The following LBR variants were observed in gnomAD, a reference collection of about 807,000 sequenced individuals.
LBR encodes delta(14)-sterol reductase LBR.
LBR carries 28 observed loss-of-function variants against 74.3 expected under a neutral mutation model. That is an observed-to-expected ratio of 0.38 (90% confidence interval 0.28 to 0.52). The LOEUF is 0.52. LBR is among the 20% of genes least tolerant of loss of function. LBR has a pLI of 0.89. For synonymous variants in LBR, 228 were observed against 269.3 expected (o/e 0.85, Z 1.50); for missense variants, 717 against 760.3 (o/e 0.94, Z 0.67).
rs1045485505 is a variant in LBR at position 225,411,550 on chromosome 1, CCT to C, written c.1085-112_1085-111del. 1.0e-4 allele frequency: 84 copies of C among 808,258 alleles called. No homozygotes were observed. The Middle Eastern group carries it at 0.011, about 109-fold the overall frequency. The allele number at this position is 808,258 out of a possible 1,614,324, so 50.1% of individuals were successfully genotyped here. On this transcript the variant is annotated intron_variant, in intron 8 of 13. Transcript: ENST00000272163. Reference sequence around the variant, plus strand: ...CTCACAATTCCACTGCCTGCAAGACCCTGAGCAGGGCTCTGGTGGTGAGAGGC... The same window carrying C: ...CTCACAATTCCACTGCCTGCAAGACCGAGCAGGGCTCTGGTGGTGAGAGGC...
At chr1:225,418,381 AT>A (rs1240804007) in intron 5 of LBR, among the ~76,000 whole-genome samples, 2 of 151,964 alleles carry the variant, frequency 1.3e-5, no homozygotes, top group Non-Finnish European at 2.9e-5. Context: ...AGTAAAAAAA[AT>A]AAATAAATAA....
intron 11 of LBR, among the ~76,000 whole-genome samples, chr1:225,405,856 G>T (rs993043620): frequency 6.6e-6 from 1 of 152,188 alleles, no homozygotes; most frequent in African/African-American, 2.4e-5. Context: ...TTAACCAATG[G>T]TTTGAACTTC....
At position 225,415,334 on chromosome 1, in the gene LBR, T is replaced by C; in HGVS notation, c.838-2A>G. 1 of 1,572,044 alleles carries C rather than the reference T, an allele frequency of 6.4e-7. No homozygotes were observed. Among genetic ancestry groups the C allele is most frequent in the Non-Finnish European group, 8.7e-7 (1 of 1,145,874 alleles). On this transcript the variant is annotated splice_acceptor_variant, in intron 6 of 13. Coordinates refer to ENST00000272163, the MANE Select transcript of LBR (RefSeq NM_002296.4). LOFTEE classifies it high-confidence loss of function. The stretch of plus-strand genomic sequence containing the variant: ...AATAAGAGGCGTTCCTTCTACAACC[T>C]TAAAAGAAAAAAAATTTACAAATTT...
chr1:225,422,990 C>A (rs569773150), intron 2 of LBR, among the ~76,000 whole-genome samples: 15 of 152,176 alleles, frequency 9.9e-5, no homozygotes, highest in Admixed American at 3.3e-4. Flanking sequence ...TGCCTGGAGC[C>A]GCTCCCATAA....
At chr1:225,416,380 C>G (rs1317943798) in intron 6 of LBR, among the ~76,000 whole-genome samples, 1 of 152,164 alleles carries the variant, frequency 6.6e-6, no homozygotes, top group Non-Finnish European at 1.5e-5. Context: ...ACGTTTTACC[C>G]CACAAAATAA....
intron 10 of LBR, 127 bp downstream of exon 10, chr1:225,410,164 C>T: frequency 6.9e-7 from 1 of 1,442,386 alleles, no homozygotes; most frequent in Non-Finnish European, 9.6e-7. Context: ...CCTCGTCCTC[C>T]TCTCAAGCAG....
In LBR at chr1:225,411,458, T is replaced by A; in HGVS notation, c.1085-18A>T. ...AGCATTTCCTGAGAAAGGAAAAGTG[T>A]TTACCCAAACAGCATTCCAAACCCA... On this transcript the variant is annotated intron_variant, in intron 8 of 13. Coordinates refer to ENST00000272163, the MANE Select transcript of LBR (RefSeq NM_002296.4). 1.9e-6 allele frequency: 3 copies of A among 1,585,506 alleles called. No individual in the cohort carries two copies. The highest frequency in any genetic ancestry group is 2.6e-6 in the Non-Finnish European group (3 of 1,153,952).
rs372673408 is a variant in LBR, at chr1:225,406,842, T to A, written c.1315-10A>T. ...TCGTCAACAACGCTTCCTATAAGGA[T>A]ACAGACGGGGAAAGGGAGAAGGAGC... On this transcript the variant is annotated splice_polypyrimidine_tract_variant and intron_variant, in intron 10 of 13. Transcript: ENST00000272163. 1.2e-6 allele frequency: 2 copies of A among 1,613,494 alleles called. No individual in the cohort carries two copies. Among genetic ancestry groups the A allele is most frequent in the Admixed American group, 3.3e-5 (2 of 59,984 alleles).
chr1:225,415,382 A>G, intron 6 of LBR, 50 bp from the exon 7 acceptor site: 1 of 912,658 alleles, frequency 1.1e-6, no homozygotes, highest in Non-Finnish European at 1.8e-6. Flanking sequence ...ACCATCATAT[A>G]TACATATATA....
intron 1 of LBR, among the ~76,000 whole-genome samples, chr1:225,425,589 C>A (rs2150961388): frequency 6.6e-6 from 1 of 152,234 alleles, no homozygotes; most frequent in Middle Eastern, 3.4e-3. Context: ...TGAGCAGGGG[C>A]ATAAAAACGG....
intron 2 of LBR, 139 bp from the exon 3 acceptor site, chr1:225,422,416 A>G (rs1014155175): frequency 2.2e-5 from 16 of 732,544 alleles, no homozygotes; most frequent in Non-Finnish European, 2.4e-5. Flanking sequence ...AGGATCTGAG[A>G]ATGGATCAGA....
chr1:225,411,432 C>G lies in LBR; in HGVS notation c.1093G>C (p.Val365Leu). The G allele has an allele frequency of 6.2e-7, 1 of 1,612,292 alleles. No homozygotes were observed. The highest frequency in any genetic ancestry group is 8.5e-7 in the Non-Finnish European group (1 of 1,178,294). The change falls in exon 9 of 14, where the codon GTC becomes CTC. Residue 365 changes from valine (V) to leucine (L), a missense_variant. Coordinates refer to ENST00000272163, the MANE Select transcript of LBR (RefSeq NM_002296.4). ...TCACGGCCAATGAAGAAATCATAGA[C>G]AGCATTTCCTGAGAAAGGAAAAGTG... ...DLSPASSGNAVYDFFIGRELN... is the reference protein window; with the variant it reads ...DLSPASSGNALYDFFIGRELN...
intron 9 of LBR, 146 bp downstream of exon 9, chr1:225,411,191 G>T (rs2096104520): frequency 5.7e-6 from 4 of 704,732 alleles, no homozygotes; most frequent in South Asian, 4.7e-5. Flanking sequence ...ATACTTACAA[G>T]AAAGTATTTT....
At chr1:225,423,049 G>T (rs6686405) in intron 2 of LBR, among the ~76,000 whole-genome samples, 2 of 151,962 alleles carry the variant, frequency 1.3e-5, no homozygotes, top group Non-Finnish European at 2.9e-5. Context: ...TAGAGCACTC[G>T]AAGTGTCATC....
chr1:225,408,630 G>A (rs1282632355), intron 10 of LBR, among the ~76,000 whole-genome samples: 3 of 152,348 alleles, frequency 2.0e-5, no homozygotes, highest in Non-Finnish European at 2.9e-5. Flanking sequence ...TCTGCTAATT[G>A]CCCAGTGGCA....
In LBR at chr1:225,406,848, C is replaced by T. The variant is rs376034261; in HGVS notation, c.1315-16G>A. The T allele has an allele frequency of 5.8e-5, 93 of 1,612,788 alleles. No homozygotes were observed. The highest frequency in any genetic ancestry group is 2.7e-4 in the East Asian group (12 of 44,886). ...ACAACGCTTCCTATAAGGATACAGA[C>T]GGGGAAAGGGAGAAGGAGCTTCTGT... On this transcript the variant is annotated splice_polypyrimidine_tract_variant and intron_variant, in intron 10 of 13. Coordinates refer to ENST00000272163, the MANE Select transcript of LBR (RefSeq NM_002296.4).
chr1:225,406,907 G>A lies in LBR; in HGVS notation c.1315-75C>T, dbSNP rs750918512. 1.6e-4 allele frequency: 231 copies of A among 1,446,728 alleles called. 1 individual carries two copies. Among genetic ancestry groups the A allele is most frequent in the Non-Finnish European group, 2.2e-4 (223 of 1,034,778 alleles). 89.6% of individuals were successfully genotyped at this position (1,446,728 alleles called of 1,614,324 possible). On this transcript the variant is annotated intron_variant, in intron 10 of 13. Transcript: ENST00000272163. ...TATTCAAATAAAGTACTAGTTTACA[G>A]GCAAATGTAAAAAGTGCTATGGGCG...
At chr1:225,414,255 C>T (rs887858920) in intron 7 of LBR, 3 of 411,006 alleles carry the variant, frequency 7.3e-6, no homozygotes, top group African/African-American at 4.1e-5. Flanking sequence ...TCTAAACTAT[C>T]TTTGGCTTCC....
At chr1:225,428,583 A>T (rs748202373), upstream of LBR, 2 of 152,238 alleles carry the variant, frequency 1.3e-5, no homozygotes, top group Non-Finnish European at 2.9e-5. Context: ...AGCGGCATCG[A>T]AGGCGAGCAG....
Sources: gnomAD v4.1 joint callset for allele counts (sites outside exome capture counted in the v4.1 genomes callset) on GRCh38, gnomAD v4.1.1 for gene constraint, MANE v1.5 for transcripts, NCBI Gene and HGNC (gene_info 2026-07-23, HGNC 2026-07-21) for gene names.